Variants in DOCK7 observed in about 807,000 individuals in gnomAD.
DOCK7 encodes the protein dedicator of cytokinesis protein 7.
DOCK7 carries 138 observed loss-of-function variants against 271.0 expected under a neutral mutation model. The ratio of observed to expected loss-of-function variants is 0.51; its 90% CI spans 0.44 to 0.59. DOCK7 has a LOEUF of 0.59. DOCK7 is among the 20% of genes least tolerant of loss of function. DOCK7 has a pLI of 0.00. For synonymous variants in DOCK7, 823 were observed against 876.1 expected (o/e 0.94, Z 1.07); for missense variants, 2,066 against 2,592.4 (o/e 0.80, Z 4.41).
intron 14 of DOCK7, chr1:62,602,270 A>T (rs1328509807): frequency 6.3e-7 from 1 of 1,578,782 alleles, no homozygotes; most frequent in East Asian, 2.2e-5. Flanking sequence ...ACATGATTTC[A>T]TTCATTATAT....
intron 48 of DOCK7, among the ~76,000 whole-genome samples, chr1:62,465,139 T>C (rs1041674452): frequency 6.6e-6 from 1 of 152,216 alleles, no homozygotes; most frequent in African/African-American, 2.4e-5. Flanking sequence ...TGTAGCCACC[T>C]CTTGTTGCTA....
rs868650162 is a variant in DOCK7, at chr1:62,524,957, T to A, written c.3936+3194A>T. On this transcript the variant is annotated intron_variant, in intron 31 of 49. Transcript: ENST00000635253. ...TATATATATATATATATATATATAT[T>A]ACTATAAACTATATATTTTTAAAAT... 2.9e-4 allele frequency among the ~76,000 whole-genome samples: 24 copies of A among 82,634 alleles called. 1 individual carries two copies. The highest frequency in any genetic ancestry group is 1.0e-3 in the African/African-American group (16 of 15,720). 54.2% of individuals were successfully genotyped at this position (82,634 alleles called of 152,430 possible). A position where few individuals can be genotyped will look rare whatever the true frequency, so the allele number is the denominator to read the frequency against.
chr1:62,591,178 C>G (rs1557766578), intron 14 of DOCK7, among the ~76,000 whole-genome samples: 1 of 152,052 alleles, frequency 6.6e-6, no homozygotes, highest in African/African-American at 2.4e-5. Context: ...TAAAAAAGAA[C>G]AAGATCATCA....
chr1:62,468,655 T>C (rs184751031), intron 48 of DOCK7, among the ~76,000 whole-genome samples: 31 of 152,198 alleles, frequency 2.0e-4, no homozygotes, highest in East Asian at 7.7e-4. Flanking sequence ...ACTGTATACC[T>C]AGAAAACCCT....
intron 14 of DOCK7, chr1:62,604,806 AG>A: frequency 6.2e-7 from 1 of 1,612,948 alleles, no homozygotes; most frequent in Non-Finnish European, 8.5e-7. Flanking sequence ...AGATTCAGAA[AG>A]CTTTGAATGA....
intron 35 of DOCK7, among the ~76,000 whole-genome samples, chr1:62,506,849 A>C (rs1229574622): frequency 6.6e-6 from 1 of 150,464 alleles, no homozygotes; most frequent in East Asian, 2.1e-4. Context: ...TGGGAGGCTG[A>C]GGCAGGAGAA....
At chr1:62,560,106 C>G (rs977383213) in intron 19 of DOCK7, among the ~76,000 whole-genome samples, 4 of 152,098 alleles carry the variant, frequency 2.6e-5, no homozygotes, top group Non-Finnish European at 4.4e-5. Flanking sequence ...ACCCCATGAG[C>G]CTTTTCCCTT....
intron 48 of DOCK7, among the ~76,000 whole-genome samples, chr1:62,465,902 G>T (rs1645663149): frequency 6.6e-6 from 1 of 152,126 alleles, no homozygotes; most frequent in South Asian, 2.1e-4. Context: ...GTGGGTATAG[G>T]ATTGCTGTAA....
Position 62,543,675 on chromosome 1 carries a change from C to G in DOCK7, c.2930G>C (p.Gly977Ala). 2 of 1,601,704 alleles carry G rather than the reference C, an allele frequency of 1.2e-6. No individual in the cohort carries two copies. The highest frequency in any genetic ancestry group is 2.2e-5 in the South Asian group (2 of 89,554). Residue 977 changes from glycine to alanine, a missense_variant, in exon 24 of 50, where the codon GGA (glycine) becomes GCA (alanine). Coordinates refer to ENST00000635253, the MANE Select transcript of DOCK7 (RefSeq NM_001367561.1). ...ATCTACCTTTTTAGTTGGTAAGCGT[C>G]CCGTTAATGTTTGTAAGAAACTTGA... ...ETSSFLQTLT[G>A]RLPTKKLFHE... is the part of the protein sequence containing the mutation.
At chr1:62,523,820 T>C (rs1230829648) in intron 31 of DOCK7, among the ~76,000 whole-genome samples, 1 of 152,144 alleles carries the variant, frequency 6.6e-6, no homozygotes, top group Non-Finnish European at 1.5e-5. Context: ...TGAGCCGAGA[T>C]TGTGCCATTG....
At chr1:62,465,145 T>C (rs1257380411) in intron 48 of DOCK7, among the ~76,000 whole-genome samples, 1 of 152,212 alleles carries the variant, frequency 6.6e-6, no homozygotes, top group African/African-American at 2.4e-5. Flanking sequence ...CACCTCTTGT[T>C]GCTACTGTGG....
chr1:62,518,663 C>G (rs545373580), intron 31 of DOCK7, among the ~76,000 whole-genome samples: 19 of 151,794 alleles, frequency 1.3e-4, no homozygotes, highest in African/African-American at 4.6e-4. Context: ...TCACTTGAAC[C>G]TGGGAGGCAG....
Position 62,539,736 on chromosome 1 carries a change from A to G in DOCK7, c.3186+16T>C. ...GAGCTTGAAAGAGAGATAAGTGGGG[A>G]AAAAGTTATCATTACCTTCTGAAAT... On this transcript the variant is annotated intron_variant, in intron 26 of 49. Coordinates refer to ENST00000635253, the MANE Select transcript of DOCK7 (RefSeq NM_001367561.1). 6.2e-7 allele frequency: 1 copy of G among 1,611,586 alleles called. No individual in the cohort carries two copies. Among genetic ancestry groups the G allele is most frequent in the Non-Finnish European group, 8.5e-7 (1 of 1,179,108 alleles).
At chr1:62,642,895 AAAT>A (rs1557848461) in intron 7 of DOCK7, among the ~76,000 whole-genome samples, 2 of 152,360 alleles carry the variant, frequency 1.3e-5, no homozygotes, top group African/African-American at 4.8e-5. Flanking sequence ...AAATGAATGC[AAAT>A]TCTTTGCAGA....
At chr1:62,673,565 A>G (rs775303166) in intron 1 of DOCK7, among the ~76,000 whole-genome samples, 1 of 152,218 alleles carries the variant, frequency 6.6e-6, no homozygotes, top group Admixed American at 6.5e-5. Context: ...AAAGAAAAGT[A>G]TCTACTGCAA....
At chr1:62,558,386 C>T (rs1646216976) in intron 20 of DOCK7, among the ~76,000 whole-genome samples, 1 of 152,200 alleles carries the variant, frequency 6.6e-6, no homozygotes, top group South Asian at 2.1e-4. Flanking sequence ...AAAATTATAT[C>T]TGGTTAGCTG....
At chr1:62,556,846 A>G (rs1646160037) in intron 20 of DOCK7, among the ~76,000 whole-genome samples, 1 of 152,134 alleles carries the variant, frequency 6.6e-6, no homozygotes, top group South Asian at 2.1e-4. Context: ...ACTGAACTAG[A>G]GGGGAAAGAG....
chr1:62,566,056 C>T (rs557121978), intron 18 of DOCK7, among the ~76,000 whole-genome samples: 12 of 152,110 alleles, frequency 7.9e-5, no homozygotes, highest in African/African-American at 2.9e-4. Flanking sequence ...TAAGAAAGGA[C>T]ACAAATAAAT....
chr1:62,552,683 T>C, intron 22 of DOCK7, 49 bp downstream of exon 22: 1 of 1,527,714 alleles, frequency 6.5e-7, no homozygotes, highest in Non-Finnish European at 8.9e-7. Context: ...TATTTCTCGT[T>C]TGTTCACAAA....
Sources: gnomAD v4.1 joint callset for allele counts (sites outside exome capture counted in the v4.1 genomes callset) on GRCh38, gnomAD v4.1.1 for gene constraint, MANE v1.5 for transcripts, NCBI Gene and HGNC (gene_info 2026-07-23, HGNC 2026-07-21) for gene names.